The following KHDRBS2 variants were observed in gnomAD, a reference collection of about 807,000 sequenced individuals.
KHDRBS2 encodes KH RNA binding domain containing, signal transduction associated 2.
A neutral mutation model predicts 44.3 loss-of-function variants in KHDRBS2; 26 were observed. That is an observed-to-expected ratio of 0.59 (90% confidence interval 0.43 to 0.81). The LOEUF is 0.81. Ranked by LOEUF, KHDRBS2 falls within the 40% of genes least tolerant of loss-of-function variation. The pLI is 0.00. For missense variants in KHDRBS2, 476 were observed against 433.1 expected, an observed-to-expected ratio of 1.10 and a Z score of -0.88; for synonymous variants, 194 against 151.1, an observed-to-expected ratio of 1.28 and a Z score of -2.08.
At chr6:61,633,816 G>T in the KHDRBS2 span, among the ~76,000 whole-genome samples, 2 of 25,810 alleles carry the variant, frequency 7.7e-5, no homozygotes, top group Non-Finnish European at 1.9e-4. Context: ...TATTACTCAA[G>T]TGTTGAAAAT....
chr6:62,141,443 C>T (rs1462937237), intron 2 of KHDRBS2, among the ~76,000 whole-genome samples: 1 of 152,032 alleles, frequency 6.6e-6, no homozygotes, highest in Non-Finnish European at 1.5e-5. Flanking sequence ...AAAACTTCAT[C>T]CTATGTGACA....
At chr6:61,602,736 T>C in the KHDRBS2 span, among the ~76,000 whole-genome samples, 1 of 152,154 alleles carries the variant, frequency 6.6e-6, no homozygotes, top group Non-Finnish European at 1.5e-5. Context: ...TTTGCCTCCA[T>C]AACTGTTGTG....
chr6:62,173,439 T>C (rs1224010308), intron 2 of KHDRBS2, among the ~76,000 whole-genome samples: 1 of 152,086 alleles, frequency 6.6e-6, no homozygotes, highest in South Asian at 2.1e-4. Flanking sequence ...ATTGAATCAG[T>C]AATAAACAGA....
At chr6:62,096,980 C>A (rs1175550730) in intron 2 of KHDRBS2, among the ~76,000 whole-genome samples, 1 of 151,718 alleles carries the variant, frequency 6.6e-6, no homozygotes, top group African/African-American at 2.4e-5. Context: ...TCTTTAATTT[C>A]TTCATTTACC....
the KHDRBS2 span, among the ~76,000 whole-genome samples, chr6:61,672,673 G>T: frequency 6.6e-6 from 1 of 151,942 alleles, no homozygotes; most frequent in South Asian, 2.1e-4. Context: ...CATGTCCTTT[G>T]CCCACTTTTT....
At chr6:62,240,992 A>G (rs900210549) in intron 1 of KHDRBS2, among the ~76,000 whole-genome samples, 8 of 152,008 alleles carry the variant, frequency 5.3e-5, no homozygotes, top group African/African-American at 1.9e-4. Context: ...AGATAATTAG[A>G]TCAGCACCTC....
chr6:61,545,100 T>A, the KHDRBS2 span, among the ~76,000 whole-genome samples: 5 of 151,868 alleles, frequency 3.3e-5, no homozygotes, highest in Non-Finnish European at 7.4e-5. Flanking sequence ...TTTAAAAAAA[T>A]TTGAGTAGGA....
chr6:61,894,802 G>T lies in KHDRBS2; in HGVS notation c.643C>A (p.Pro215Thr), dbSNP rs753218806. 35 of 1,612,364 alleles carry T rather than the reference G, an allele frequency of 2.2e-5. No homozygotes were observed. The highest frequency in any genetic ancestry group is 1.7e-4 in the Middle Eastern group (1 of 6,056). The change falls in exon 6 of 9, where the codon CCA becomes ACA. Residue 215 changes from proline (P) to threonine (T), a missense_variant. Coordinates refer to ENST00000281156, the MANE Select transcript of KHDRBS2 (RefSeq NM_152688.4). ...GRGGAIPPPP[P>T]PGRGVLTPRG... ...GGGGTGAGAACACCTCGTCCAGGTG[G>T]TGGGGGAGGAGGAATGGCACCCCCA...
At chr6:61,905,748 T>G (rs535646624) in intron 4 of KHDRBS2, among the ~76,000 whole-genome samples, 13 of 152,148 alleles carry the variant, frequency 8.5e-5, no homozygotes, top group Non-Finnish European at 1.6e-4. Flanking sequence ...ACCCAGATTT[T>G]TAATAAATTC....
chr6:62,004,860 T>A (rs1268447432), intron 3 of KHDRBS2, among the ~76,000 whole-genome samples: 2 of 152,012 alleles, frequency 1.3e-5, no homozygotes, highest in African/African-American at 2.4e-5. Context: ...TGGTTCAACA[T>A]ACACAAATCA....
At chr6:62,130,355 C>T (rs1810000131) in intron 2 of KHDRBS2, among the ~76,000 whole-genome samples, 1 of 152,144 alleles carries the variant, frequency 6.6e-6, no homozygotes, top group African/African-American at 2.4e-5. Context: ...AGAGCATGGG[C>T]TCTGTAATCA....
rs752309658 is a variant in KHDRBS2, at chr6:61,697,203, T to C, written c.944A>G (p.Asp315Gly). ...TAAAGAAAAGGTCTTACCGTAGCTG[T>C]CATAGGCATCCTCACTTACTCCATG... Reference protein sequence around the residue: ...YGHGVSEDAYDSYAPEEWATT... With the variant: ...YGHGVSEDAYGSYAPEEWATT... Residue 315 changes from aspartate (D) to glycine (G), a missense_variant, in exon 8 of 9, where the codon GAC becomes GGC. Physicochemically the swap from Asp to Gly is moderately conservative, Grantham distance 94. Transcript: ENST00000281156. 6.2e-7 allele frequency: 1 copy of C among 1,605,766 alleles called. No homozygotes were observed. The highest frequency in any genetic ancestry group is 2.2e-5 in the East Asian group (1 of 44,768).
the KHDRBS2 span, among the ~76,000 whole-genome samples, chr6:61,623,090 A>G: frequency 1.3e-5 from 2 of 152,050 alleles, no homozygotes; most frequent in Non-Finnish European, 2.9e-5. Context: ...TGGACAGTCA[A>G]TGAGGGGGCT....
rs533040385 is a variant in KHDRBS2 at position 62,174,671 on chromosome 6, T to C, written c.219+2514A>G. ...TTGAGAGGGCCATTTCCCCAAGAATTCCCATAGTCATTTATTGCTCTTTGA... is the reference window on the plus strand; with the variant it reads ...TTGAGAGGGCCATTTCCCCAAGAATCCCCATAGTCATTTATTGCTCTTTGA... On this transcript the variant is annotated intron_variant, in intron 2 of 8. Transcript: ENST00000281156. 1.7e-4 allele frequency among the ~76,000 whole-genome samples: 26 copies of C among 151,872 alleles called. No individual in the cohort carries two copies. In the South Asian group the frequency reaches 3.9e-3, roughly 23 times the overall value.
At chr6:62,063,172 G>A (rs1792487149) in intron 2 of KHDRBS2, among the ~76,000 whole-genome samples, 1 of 110,008 alleles carries the variant, frequency 9.1e-6, no homozygotes, top group African/African-American at 3.1e-5. Context: ...AGGACCAGAT[G>A]GATTCACAGC....
chr6:62,040,532 A>G lies in KHDRBS2; in HGVS notation c.336+7346T>C, dbSNP rs574189417. Among the ~76,000 whole-genome samples, 324 of 152,152 alleles carry G rather than the reference A, an allele frequency of 2.1e-3. 1 individual carries two copies. Among genetic ancestry groups the G allele is most frequent in the African/African-American group, 7.3e-3 (305 of 41,544 alleles). On this transcript the variant is annotated intron_variant, in intron 3 of 8. Coordinates refer to ENST00000281156, the MANE Select transcript of KHDRBS2 (RefSeq NM_152688.4). ...GATTTTTTGGGCCATAGATAGGAAG[A>G]CTTGAGTAGCTGATCACTCAAATGG...
chr6:62,262,267 G>T (rs1838473000), intron 1 of KHDRBS2, among the ~76,000 whole-genome samples: 1 of 151,606 alleles, frequency 6.6e-6, no homozygotes, highest in Non-Finnish European at 1.5e-5. Flanking sequence ...GATAACTCTG[G>T]AAATACAACA....
the KHDRBS2 span, among the ~76,000 whole-genome samples, chr6:61,589,242 A>G: frequency 6.6e-6 from 1 of 152,200 alleles, no homozygotes; most frequent in Admixed American, 6.5e-5. Context: ...AAAGCAAAAT[A>G]AAATAAAATA....
intron 6 of KHDRBS2, chr6:61,816,945 G>T (rs1789050803): frequency 2.2e-6 from 1 of 455,560 alleles, no homozygotes; most frequent in African/African-American, 2.0e-5. Context: ...TTCTACTTGA[G>T]ACAACTTACC....
Sources: allele counts gnomAD v4.1 joint callset (sites outside exome capture counted in the v4.1 genomes callset), GRCh38; gene constraint gnomAD v4.1.1; transcripts MANE v1.5; gene names NCBI Gene and HGNC (gene_info 2026-07-23, HGNC 2026-07-21).